Variants in TMC5 observed in about 807,000 individuals in gnomAD.
TMC5 encodes transmembrane channel-like protein 5.
TMC5 carries 86 observed loss-of-function variants against 110.5 expected under a neutral mutation model. The observed-to-expected ratio is 0.78, with a 90% CI of 0.65 to 0.93. TMC5 has a LOEUF of 0.93. TMC5 is among the 40% of genes least tolerant of loss of function. The probability of loss-of-function intolerance (pLI) is 0.00; values close to 1 mark genes in which losing one functional copy is unlikely to be tolerated. For synonymous variants in TMC5, 455 were observed against 439.5 expected (o/e 1.04, Z -0.44); for missense variants, 1,144 against 1,222.8 (o/e 0.94, Z 0.96).
chr16:19,497,882 G>A (rs1245970439), intron 21 of TMC5, 38 bp from the exon 22 acceptor site: 1 of 1,606,020 alleles, frequency 6.2e-7, no homozygotes, highest in Non-Finnish European at 8.5e-7. Context: ...GGGGCAGAGT[G>A]TGCCTGCGTT....
At chr16:19,447,191 G>T (rs1270167775) in intron 4 of TMC5, among the ~76,000 whole-genome samples, 1 of 152,122 alleles carries the variant, frequency 6.6e-6, no homozygotes, top group Non-Finnish European at 1.5e-5. Flanking sequence ...AGTTTGTTGT[G>T]CTTGGCTCTA....
chr16:19,492,308 T>A, intron 19 of TMC5, 80 bp downstream of exon 19: 1 of 1,002,014 alleles, frequency 1.0e-6, no homozygotes, highest in East Asian at 2.4e-5. Context: ...ATAAAGAGAA[T>A]ACTACAATGA....
rs376797194 is a variant in TMC5 at position 19,463,299 on chromosome 16, A to T, written c.1168A>T (p.Lys390Ter). Residue 390 changes from lysine to a stop codon, truncating the protein, a stop_gained, in exon 7 of 22, where the codon AAA (lysine) becomes TAA (stop). Coordinates refer to ENST00000542583, the MANE Select transcript of TMC5 (RefSeq NM_001261841.2). LOFTEE classifies it high-confidence loss of function. ...RNLRKIVDKE[K>*]SKQTHRILQL... is the part of the protein sequence containing the mutation. ...CTACAGGAAAATAGTTGACAAAGAAAAAAGCAAACAGACCCATCGTATCCT... is the reference window on the plus strand; with the variant it reads ...CTACAGGAAAATAGTTGACAAAGAATAAAGCAAACAGACCCATCGTATCCT... 1.9e-6 allele frequency: 3 copies of T among 1,613,902 alleles called. No homozygotes were observed. The highest frequency in any genetic ancestry group is 2.7e-5 in the African/African-American group (2 of 74,896).
intron 11 of TMC5, among the ~76,000 whole-genome samples, chr16:19,472,581 G>T (rs1369858846): frequency 6.6e-6 from 1 of 152,228 alleles, no homozygotes; most frequent in Non-Finnish European, 1.5e-5. Context: ...ATTCATTGGT[G>T]ACTACAGTTT....
At chr16:19,449,749 A>G in intron 5 of TMC5, 118 bp downstream of exon 5, 1 of 859,282 alleles carries the variant, frequency 1.2e-6, no homozygotes. Context: ...GGTTTCCCCC[A>G]TGCTGTTCTC....
At chr16:19,459,504 G>C (rs967094649) in intron 5 of TMC5, among the ~76,000 whole-genome samples, 3 of 152,134 alleles carry the variant, frequency 2.0e-5, no homozygotes, top group African/African-American at 7.2e-5. Flanking sequence ...AGAGCCAGGC[G>C]TGGTGGCTCA....
Position 19,474,295 on chromosome 16 carries a change from C to T in TMC5, c.2090+19C>T, listed in dbSNP as rs752390085. ...TGATCCGGTAGGTGATGTGTCGCGCCCAACACCAGCCTCTATTTCCACAGA... is the reference window on the plus strand; with the variant it reads ...TGATCCGGTAGGTGATGTGTCGCGCTCAACACCAGCCTCTATTTCCACAGA... On this transcript the variant is annotated intron_variant, in intron 12 of 21. Transcript: ENST00000542583. 2.2e-5 allele frequency: 36 copies of T among 1,608,504 alleles called. 1 individual carries two copies. In the South Asian group the frequency reaches 3.3e-4, roughly 15 times the overall value.
At chr16:19,421,912 AGAGT>A (rs961708643) in intron 1 of TMC5, among the ~76,000 whole-genome samples, 86 of 151,804 alleles carry the variant, frequency 5.7e-4, no homozygotes, top group African/African-American at 1.9e-3. Context: ...CCTGGATAAC[AGAGT>A]GAGACTCCAT....
intron 10 of TMC5, among the ~76,000 whole-genome samples, chr16:19,471,598 C>T (rs1016266874): frequency 5.3e-5 from 8 of 152,170 alleles, no homozygotes; most frequent in South Asian, 2.1e-4. Flanking sequence ...ATGGGTCTCC[C>T]ATAATCCATG....
At chr16:19,491,092 C>A (rs1349970158) in intron 18 of TMC5, among the ~76,000 whole-genome samples, 2 of 151,892 alleles carry the variant, frequency 1.3e-5, no homozygotes, top group Non-Finnish European at 2.9e-5. Flanking sequence ...CTTGCTGCAA[C>A]CTCAACCTTT....
intron 2 of TMC5, among the ~76,000 whole-genome samples, chr16:19,433,005 A>T (rs966319455): frequency 1.3e-5 from 2 of 152,154 alleles, no homozygotes; most frequent in African/African-American, 4.8e-5. Flanking sequence ...ATATACATAT[A>T]ATATACACAT....
chr16:19,428,046 G>C (rs896043667), intron 1 of TMC5, among the ~76,000 whole-genome samples: 2 of 152,206 alleles, frequency 1.3e-5, no homozygotes, highest in Non-Finnish European at 2.9e-5. Flanking sequence ...CATTAATCAA[G>C]TGGGCTTAGA....
chr16:19,472,567 G>GGTCATTCAT (rs1968371210), intron 11 of TMC5, among the ~76,000 whole-genome samples: 1 of 152,286 alleles, frequency 6.6e-6, no homozygotes, highest in South Asian at 2.1e-4. Context: ...CTACAGTGGT[G>GGTCATTCAT]GTCATTCATT....
chr16:19,413,343 G>A (rs1209343221), upstream of TMC5, among the ~76,000 whole-genome samples: 8 of 151,798 alleles, frequency 5.3e-5, no homozygotes, highest in Non-Finnish European at 1.2e-4. Context: ...AGAGAACACG[G>A]CAAGACCTCG....
chr16:19,427,439 G>A (rs1315386943), intron 1 of TMC5, among the ~76,000 whole-genome samples: 8 of 152,150 alleles, frequency 5.3e-5, no homozygotes, highest in Admixed American at 5.2e-4. Flanking sequence ...GTGACAAAAC[G>A]AGACCCTGTC....
At chr16:19,439,083 T>C (rs190721303) in intron 2 of TMC5, among the ~76,000 whole-genome samples, 2 of 152,356 alleles carry the variant, frequency 1.3e-5, no homozygotes, top group East Asian at 3.9e-4. Context: ...AATTCAGTGA[T>C]TGGTACAAGA....
chr16:19,456,953 A>G, intron 5 of TMC5: 1 of 1,614,130 alleles, frequency 6.2e-7, no homozygotes, highest in South Asian at 1.1e-5. Flanking sequence ...GATGTCTCAG[A>G]CCCTTCATAG....
intron 2 of TMC5, among the ~76,000 whole-genome samples, chr16:19,431,544 G>GAAA (rs112601330): frequency 2.4e-5 from 3 of 124,356 alleles, no homozygotes; most frequent in Non-Finnish European, 5.2e-5. Context: ...TTCCATCTCA[G>GAAA]AAAAAAAAAA....
chr16:19,429,042 T>A (rs1317428575), intron 1 of TMC5, among the ~76,000 whole-genome samples: 1 of 152,112 alleles, frequency 6.6e-6, no homozygotes, highest in Non-Finnish European at 1.5e-5. Flanking sequence ...GTCAGGCTGG[T>A]CTCCAATTCC....
Sources: allele counts gnomAD v4.1 joint callset (sites outside exome capture counted in the v4.1 genomes callset), GRCh38; gene constraint gnomAD v4.1.1; transcripts MANE v1.5; gene names NCBI Gene and HGNC (gene_info 2026-07-23, HGNC 2026-07-21).